Variants in FARSB observed in about 807,000 individuals in gnomAD.
FARSB encodes the protein phenylalanine--tRNA ligase beta subunit.
FARSB carries 40 observed loss-of-function variants against 69.6 expected under a neutral mutation model. The observed-to-expected ratio is 0.57, with a 90% CI of 0.45 to 0.75. The LOEUF is 0.75. Among genes scored for constraint, FARSB ranks in the 30% least tolerant of loss-of-function variants. The pLI is 0.00. For synonymous variants in FARSB, 235 were observed against 247.2 expected (o/e 0.95, Z 0.46); for missense variants, 632 against 722.9 (o/e 0.87, Z 1.44).
At chr2:222,605,277 G>A (rs1392304252) in intron 15 of FARSB, among the ~76,000 whole-genome samples, 2 of 151,206 alleles carry the variant, frequency 1.3e-5, no homozygotes, top group Admixed American at 6.6e-5. Flanking sequence ...TCATACTACT[G>A]ACTTGCTTCT....
chr2:222,603,347 C>T (rs1316152571), intron 15 of FARSB, among the ~76,000 whole-genome samples: 6 of 152,078 alleles, frequency 3.9e-5, no homozygotes, highest in African/African-American at 1.4e-4. Context: ...CTTTTATCTT[C>T]TAGATATCCA....
chr2:222,617,818 G>A lies in FARSB; in HGVS notation c.1344+1827C>T, dbSNP rs550036202. On this transcript the variant is annotated intron_variant, in intron 14 of 16. Transcript: ENST00000281828. Reference sequence around the variant, plus strand: ...GAATCGCTTGAACCCAAGAGGCGGAGGTTGCAGTGAGCCAAGATCAGGACA... The same window carrying A: ...GAATCGCTTGAACCCAAGAGGCGGAAGTTGCAGTGAGCCAAGATCAGGACA... Among the ~76,000 whole-genome samples, 11 of 152,340 alleles carry A rather than the reference G, an allele frequency of 7.2e-5. No individual in the cohort carries two copies. In the South Asian group the frequency reaches 2.3e-3, roughly 32 times the overall value.
At chr2:222,596,109 G>A (rs1690407386) in intron 16 of FARSB, among the ~76,000 whole-genome samples, 1 of 152,078 alleles carries the variant, frequency 6.6e-6, no homozygotes, top group African/African-American at 2.4e-5. Context: ...TTAACTGCAA[G>A]GATGCTCAGC....
chr2:222,610,788 A>G (rs1690828315), intron 15 of FARSB, among the ~76,000 whole-genome samples: 2 of 152,236 alleles, frequency 1.3e-5, no homozygotes, highest in South Asian at 2.1e-4. Context: ...ATAACATATC[A>G]ATGAAATAAG....
intron 5 of FARSB, among the ~76,000 whole-genome samples, chr2:222,637,712 T>C (rs1691620795): frequency 1.3e-5 from 2 of 152,066 alleles, no homozygotes; most frequent in Admixed American, 6.6e-5. Flanking sequence ...ATCAATAAAA[T>C]GAGTGGTTCA....
At chr2:222,603,468 C>T (rs1020578059) in intron 15 of FARSB, among the ~76,000 whole-genome samples, 3 of 151,638 alleles carry the variant, frequency 2.0e-5, no homozygotes, top group East Asian at 1.9e-4. Flanking sequence ...TCTGTGGTAT[C>T]GATTATCTGG....
chr2:222,608,699 AT>A (rs1467575737), intron 15 of FARSB, among the ~76,000 whole-genome samples: 4 of 152,228 alleles, frequency 2.6e-5, no homozygotes, highest in African/African-American at 9.6e-5. Context: ...AAAATGTGAA[AT>A]TTTAAAAACT....
intron 16 of FARSB, among the ~76,000 whole-genome samples, chr2:222,581,209 T>C (rs193126905): frequency 6.6e-6 from 1 of 152,346 alleles, no homozygotes; most frequent in East Asian, 1.9e-4. Flanking sequence ...GGGCCTCCTG[T>C]CATTTTTATG....
In FARSB at chr2:222,570,328, T is replaced by G. The variant is rs16863895; in HGVS notation, c.*1543A>C. 0.044 allele frequency among the ~76,000 whole-genome samples: 6,769 copies of G among 152,274 alleles called. 224 individuals are homozygous for G. The highest frequency in any genetic ancestry group is 0.088 in the African/African-American group (3,658 of 41,556). On this transcript the variant is annotated 3_prime_UTR_variant, in exon 17 of 17. Transcript: ENST00000281828. ...ATTATTTTTAGAGGGCATATTTCAT[T>G]TTTAAAATGTTGTAAGGATCTGCTT... is the stretch of plus-strand genomic sequence containing the variant.
intron 16 of FARSB, among the ~76,000 whole-genome samples, chr2:222,595,243 T>C (rs1340181144): frequency 6.6e-6 from 1 of 152,232 alleles, no homozygotes; most frequent in African/African-American, 2.4e-5. Context: ...AATCAAACCA[T>C]AAATTGAACA....
At chr2:222,621,685 A>G (rs1691139777) in intron 13 of FARSB, among the ~76,000 whole-genome samples, 1 of 152,242 alleles carries the variant, frequency 6.6e-6, no homozygotes. Context: ...TATTACAACT[A>G]CTATGCAGAT....
intron 10 of FARSB, 106 bp from the exon 11 acceptor site, chr2:222,624,881 T>C: frequency 4.6e-6 from 3 of 646,944 alleles, no homozygotes; most frequent in Middle Eastern, 2.6e-4. Context: ...CAAGAAATTG[T>C]CATTAGAGCC....
At chr2:222,602,490 A>G in intron 15 of FARSB, among the ~76,000 whole-genome samples, 1 of 152,158 alleles carries the variant, frequency 6.6e-6, no homozygotes, top group Admixed American at 6.5e-5. Flanking sequence ...ATTTGTGAGT[A>G]GTCATACAGA....
chr2:222,612,737 C>T (rs182741008), intron 15 of FARSB, among the ~76,000 whole-genome samples: 2 of 152,314 alleles, frequency 1.3e-5, no homozygotes, highest in South Asian at 2.1e-4. Context: ...GACCAATGCA[C>T]ATACAGCTTC....
intron 7 of FARSB, among the ~76,000 whole-genome samples, chr2:222,632,555 T>C (rs1433181817): frequency 2.0e-5 from 3 of 152,182 alleles, no homozygotes; most frequent in African/African-American, 2.4e-5. Context: ...GTCTCAGACA[T>C]CATTAAGTTT....
intron 16 of FARSB, among the ~76,000 whole-genome samples, chr2:222,594,824 G>A (rs1054517730): frequency 1.3e-5 from 2 of 152,190 alleles, no homozygotes; most frequent in Non-Finnish European, 2.9e-5. Flanking sequence ...CATGAGTGGA[G>A]AGAACTTTGC....
rs761122870 is a variant in FARSB at position 222,570,283 on chromosome 2, T to C, written c.*1588A>G. 3.3e-4 allele frequency among the ~76,000 whole-genome samples: 50 copies of C among 152,254 alleles called. No homozygotes were observed. The highest frequency in any genetic ancestry group is 4.6e-4 in the Non-Finnish European group (31 of 68,052). Reference sequence around the variant, plus strand: ...TTAAGAAATCTTTATGCATGCTGGATACAAGTCCTTTTGGCATGCATTATT... The same window carrying C: ...TTAAGAAATCTTTATGCATGCTGGACACAAGTCCTTTTGGCATGCATTATT... On this transcript the variant is annotated 3_prime_UTR_variant, in exon 17 of 17. Coordinates refer to ENST00000281828, the MANE Select transcript of FARSB (RefSeq NM_005687.5).
chr2:222,639,613 T>C lies in FARSB; in HGVS notation c.422A>G (p.Glu141Gly), dbSNP rs1182035543. Residue 141 changes from glutamate to glycine, a missense_variant, in exon 5 of 17, where the codon GAA (glutamate) becomes GGA (glycine). By Grantham distance (98) the Glu-to-Gly change is moderately conservative. Coordinates refer to ENST00000281828, the MANE Select transcript of FARSB (RefSeq NM_005687.5). ...FTKDRYDSFI[E>G]LQEKLHQNIC... ...ATTCTGATGTAATTTCTCCTGAAGT[T>C]CAATGAAGCTGTCATATCGATCTTT... 1 of 1,589,898 alleles carries C rather than the reference T, an allele frequency of 6.3e-7. No individual in the cohort carries two copies.
intron 8 of FARSB, among the ~76,000 whole-genome samples, chr2:222,630,433 A>G (rs547344925): frequency 1.3e-5 from 2 of 152,268 alleles, no homozygotes; most frequent in South Asian, 4.1e-4. Flanking sequence ...CCTCAGGTTC[A>G]CTGGGCTTCA....
Sources: gnomAD v4.1 joint callset for allele counts (sites outside exome capture counted in the v4.1 genomes callset) on GRCh38, gnomAD v4.1.1 for gene constraint, MANE v1.5 for transcripts, NCBI Gene and HGNC (gene_info 2026-07-23, HGNC 2026-07-21) for gene names.